The following HYDIN variants were observed in gnomAD, a reference collection of about 807,000 sequenced individuals.
HYDIN encodes HYDIN axonemal central pair apparatus protein.
Under a neutral mutation model 403.9 loss-of-function variants are expected in HYDIN, and 132 were observed. The ratio of observed to expected loss-of-function variants is 0.33; its 90% confidence interval spans 0.28 to 0.38. HYDIN has a LOEUF of 0.38. HYDIN is among the 10% of genes least tolerant of loss of function. The pLI is 1.00. For missense variants in HYDIN, 2,827 were observed against 5,009.5 expected, an observed-to-expected ratio of 0.56 and a Z score of 13.15; for synonymous variants, 1,202 against 1,891.7, an observed-to-expected ratio of 0.64 and a Z score of 9.46.
At chr16:70,854,337 T>A in intron 73 of HYDIN, among the ~76,000 whole-genome samples, 1 of 144,196 alleles carries the variant, frequency 6.9e-6, no homozygotes, top group Non-Finnish European at 1.5e-5. Flanking sequence ...TGGGTTCAAG[T>A]GATTCTCATG....
Position 70,860,884 on chromosome 16 carries a change from G to C in HYDIN, c.11795C>G (p.Pro3932Arg). The C allele has an allele frequency of 1.6e-6, 1 of 627,742 alleles. No homozygotes were observed. The highest frequency in any genetic ancestry group is 2.8e-6 in the Non-Finnish European group (1 of 357,928). 38.9% of individuals were successfully genotyped at this position (627,742 alleles called of 1,614,324 possible). A position where few individuals can be genotyped will look rare whatever the true frequency, so the allele number is the denominator to read the frequency against. ...TACCAGGACCGGACCTTGCTCTCCAGGTGGCAGGTTGGGAATCCTGAGAGG... is the reference window on the plus strand; with the variant it reads ...TACCAGGACCGGACCTTGCTCTCCACGTGGCAGGTTGGGAATCCTGAGAGG... ...NLFCQIPNLPPGEQGPVLVAK... is the reference protein window; with the variant it reads ...NLFCQIPNLPRGEQGPVLVAK... Residue 3932 changes from proline (P) to arginine (R), a missense_variant, in exon 70 of 86, where the codon CCT (proline) becomes CGT (arginine). Coordinates refer to ENST00000393567, the MANE Select transcript of HYDIN (RefSeq NM_001270974.2).
At chr16:71,200,079 C>T (rs1221971149) in intron 1 of HYDIN, among the ~76,000 whole-genome samples, 2 of 152,212 alleles carry the variant, frequency 1.3e-5, no homozygotes, top group African/African-American at 4.8e-5. Context: ...GTCGTCTTCA[C>T]TGCTACACTC....
rs554670435 is a variant in HYDIN, at chr16:71,228,089, A to G, written c.-24+2473T>C. ...GATTCCCTATTTAATAAATGGTGCT[A>G]GGAAAACTGGCTAGCCATATGTAGA... On this transcript the variant is annotated intron_variant, in intron 1 of 85. Coordinates refer to ENST00000393567, the MANE Select transcript of HYDIN (RefSeq NM_001270974.2). Among the ~76,000 whole-genome samples, 1,181 of 151,942 alleles carry G rather than the reference A, an allele frequency of 7.8e-3. 14 individuals are homozygous for G. Among genetic ancestry groups the G allele is most frequent in the African/African-American group, 0.027 (1,095 of 41,272 alleles).
chr16:70,929,148 G>T (rs2143839246), intron 45 of HYDIN, among the ~76,000 whole-genome samples: 1 of 144,182 alleles, frequency 6.9e-6, no homozygotes, highest in East Asian at 2.1e-4. Flanking sequence ...AAATTAGCTG[G>T]GCGTGGTGGT....
At chr16:71,032,482 T>C (rs1254241429) in intron 18 of HYDIN, among the ~76,000 whole-genome samples, 2 of 151,080 alleles carry the variant, frequency 1.3e-5, no homozygotes, top group African/African-American at 4.9e-5. Context: ...TTAGCTAAAA[T>C]TGCAAACTTA....
At chr16:70,841,746 C>T (rs1327195125) in intron 75 of HYDIN, among the ~76,000 whole-genome samples, 4 of 152,082 alleles carry the variant, frequency 2.6e-5, no homozygotes, top group African/African-American at 4.8e-5. Flanking sequence ...CCTTTCTTCC[C>T]GTAACCATTG....
chr16:71,039,130 G>C (rs1597614886), intron 18 of HYDIN, among the ~76,000 whole-genome samples: 1 of 151,516 alleles, frequency 6.6e-6, no homozygotes, highest in Non-Finnish European at 1.5e-5. Context: ...CTCATGACCT[G>C]GTAGTCAACT....
chr16:70,932,287 G>A (rs1241545243), intron 45 of HYDIN, among the ~76,000 whole-genome samples: 9 of 151,998 alleles, frequency 5.9e-5, no homozygotes, highest in East Asian at 1.9e-4. Flanking sequence ...CATGGGAAGC[G>A]GAGGTTGCAG....
Position 70,991,313 on chromosome 16 carries a change from C to A in HYDIN, c.3864+5G>T, listed in dbSNP as rs531687931. 53 of 1,613,922 alleles carry A rather than the reference C, an allele frequency of 3.3e-5. No individual in the cohort carries two copies. Among genetic ancestry groups the A allele is most frequent in the South Asian group, 2.3e-4 (21 of 91,064 alleles). ...CCTACCCTCCCCATGGAAAGGACAC[C>A]GTACATCTGAGATCACACTGGAAGC... is the stretch of plus-strand genomic sequence containing the variant. On this transcript the variant is annotated splice_donor_5th_base_variant and intron_variant, in intron 25 of 85. Coordinates refer to ENST00000393567, the MANE Select transcript of HYDIN (RefSeq NM_001270974.2).
At position 70,935,141 on chromosome 16, in the gene HYDIN, T is replaced by A. The variant is rs1461086546; in HGVS notation, c.7158+811A>T. On this transcript the variant is annotated intron_variant, in intron 45 of 85. Coordinates refer to ENST00000393567, the MANE Select transcript of HYDIN (RefSeq NM_001270974.2). Reference sequence around the variant, plus strand: ...GAGGCAGGGATCAGTCCTGGTAATTTTTTCTTAGGGACCCCCTTTTGTTCT... The same window carrying A: ...GAGGCAGGGATCAGTCCTGGTAATTATTTCTTAGGGACCCCCTTTTGTTCT... Among the ~76,000 whole-genome samples the A allele has an allele frequency of 5.7e-4, 73 of 128,248 alleles. 2 individuals carry two copies. The East Asian group carries it at 0.017, about 30-fold the overall frequency. 84.1% of individuals were successfully genotyped at this position (128,248 alleles called of 152,430 possible). A position where few individuals can be genotyped will look rare whatever the true frequency, so the allele number is the denominator to read the frequency against.
At chr16:71,205,553 C>A (rs1266643379) in intron 1 of HYDIN, among the ~76,000 whole-genome samples, 1 of 152,252 alleles carries the variant, frequency 6.6e-6, no homozygotes, top group Admixed American at 6.5e-5. Flanking sequence ...CAGACCAGCA[C>A]CAGTGCCACA....
intron 1 of HYDIN, among the ~76,000 whole-genome samples, chr16:71,197,065 T>C (rs2144694444): frequency 6.6e-6 from 1 of 152,310 alleles, no homozygotes; most frequent in Non-Finnish European, 1.5e-5. Flanking sequence ...TTGTGTGAAA[T>C]CCAAGAACCC....
At chr16:71,183,730 T>C (rs753359460) in intron 3 of HYDIN, among the ~76,000 whole-genome samples, 45 of 152,134 alleles carry the variant, frequency 3.0e-4, no homozygotes, top group Non-Finnish European at 5.9e-4. Context: ...ACAGTCTTCA[T>C]AAGCTCTTAT....
chr16:70,834,459 G>T (rs1211461015), intron 78 of HYDIN, among the ~76,000 whole-genome samples: 1 of 151,918 alleles, frequency 6.6e-6, no homozygotes, highest in Non-Finnish European at 1.5e-5. Context: ...CCTCCTCCCT[G>T]ATACAGGAAA....
chr16:71,181,971 C>T lies in HYDIN; in HGVS notation c.261+2894G>A, dbSNP rs117428374. On this transcript the variant is annotated intron_variant, in intron 3 of 85. Transcript: ENST00000393567. ...GTGGCTGCTCTTTTAGATAGGCAGT[C>T]AAGAGAAGGCCTCTCTGAGATGACT... Among the ~76,000 whole-genome samples, 2,417 of 152,216 alleles carry T rather than the reference C, an allele frequency of 0.016. 141 individuals carry two copies. In the East Asian group the frequency reaches 0.16, roughly 10 times the overall value.
chr16:71,090,709 T>C (rs2083095154), intron 11 of HYDIN, among the ~76,000 whole-genome samples: 1 of 152,048 alleles, frequency 6.6e-6, no homozygotes. Context: ...CTTTCTGTAT[T>C]GCCCAGGCTG....
intron 29 of HYDIN, among the ~76,000 whole-genome samples, chr16:70,981,146 C>G (rs1244926275): frequency 3.3e-5 from 5 of 152,034 alleles, no homozygotes; most frequent in Admixed American, 3.3e-4. Context: ...AGGTAAATTT[C>G]CTGATCCCTC....
At chr16:71,218,562 A>G (rs1048576971) in intron 1 of HYDIN, among the ~76,000 whole-genome samples, 3 of 152,232 alleles carry the variant, frequency 2.0e-5, no homozygotes, top group Non-Finnish European at 4.4e-5. Flanking sequence ...CAGCGATGTA[A>G]AAACGCAAAT....
At chr16:71,170,887 C>A (rs2086435560) in intron 5 of HYDIN, among the ~76,000 whole-genome samples, 1 of 152,124 alleles carries the variant, frequency 6.6e-6, no homozygotes, top group African/African-American at 2.4e-5. Context: ...TGAAGCCAGA[C>A]TGGTCATGCG....
Sources: allele counts gnomAD v4.1 joint callset (sites outside exome capture counted in the v4.1 genomes callset), GRCh38; gene constraint gnomAD v4.1.1; transcripts MANE v1.5; gene names NCBI Gene and HGNC (gene_info 2026-07-23, HGNC 2026-07-21).